The following AKAP12 variants were observed in gnomAD, a reference collection of about 807,000 sequenced individuals.
AKAP12 encodes A-kinase anchor protein 12.
AKAP12 carries 32 observed loss-of-function variants against 79.9 expected under a neutral mutation model. That is an observed-to-expected ratio of 0.40 (90% confidence interval 0.30 to 0.54). The LOEUF (loss-of-function observed/expected upper bound fraction) is 0.54. AKAP12 is among the 20% of genes least tolerant of loss of function. The pLI, the probability that AKAP12 is intolerant of heterozygous loss-of-function variation, is 0.48. For synonymous variants in AKAP12, 808 were observed against 857.0 expected (o/e 0.94, Z 1.00); for missense variants, 2,074 against 2,177.0 (o/e 0.95, Z 0.94).
At chr6:151,275,540 C>T (rs868776153) in intron 2 of AKAP12, among the ~76,000 whole-genome samples, 2 of 152,266 alleles carry the variant, frequency 1.3e-5, no homozygotes, top group South Asian at 4.2e-4. Flanking sequence ...CGATAGCAGA[C>T]GTCACCTTTC....
intron 2 of AKAP12, among the ~76,000 whole-genome samples, chr6:151,259,877 G>A (rs1027269813): frequency 6.7e-6 from 1 of 149,624 alleles, no homozygotes; most frequent in African/African-American, 2.5e-5. Flanking sequence ...GCACCCAGCC[G>A]ACCCTTTTCT....
intron 2 of AKAP12, among the ~76,000 whole-genome samples, chr6:151,267,626 G>C (rs1776076562): frequency 6.6e-6 from 1 of 152,124 alleles, no homozygotes; most frequent in Admixed American, 6.5e-5. Context: ...TTTTTGCAAA[G>C]ACAGTCATAG....
chr6:151,272,350 A>G (rs1211419505), intron 2 of AKAP12, among the ~76,000 whole-genome samples: 1 of 151,120 alleles, frequency 6.6e-6, no homozygotes, highest in Non-Finnish European at 1.5e-5. Flanking sequence ...GTTTCAAAAA[A>G]AAAAAAAAAC....
chr6:151,302,505 T>C (rs1245349822), intron 2 of AKAP12, among the ~76,000 whole-genome samples: 1 of 152,186 alleles, frequency 6.6e-6, no homozygotes, highest in Non-Finnish European at 1.5e-5. Flanking sequence ...CTGTGTGCTA[T>C]AGTCTTCATG....
Position 151,282,051 on chromosome 6 carries a change from C to A in AKAP12, c.163-23696C>A, listed in dbSNP as rs189920705. Reference sequence around the variant, plus strand: ...GATGCAGGAGCGGGCTGTCCTCTTCCCCCTCCTGTTCCCGCTCTCAGCTGC... The same window carrying A: ...GATGCAGGAGCGGGCTGTCCTCTTCACCCTCCTGTTCCCGCTCTCAGCTGC... On this transcript the variant is annotated intron_variant, in intron 2 of 4. Transcript: ENST00000402676. Among the ~76,000 whole-genome samples the A allele has an allele frequency of 3.1e-3, 472 of 151,522 alleles. 1 individual carries two copies. The highest frequency in any genetic ancestry group is 5.6e-3 in the South Asian group (27 of 4,790).
intron 3 of AKAP12, among the ~76,000 whole-genome samples, chr6:151,337,845 C>T (rs1015655281): frequency 2.6e-5 from 4 of 151,994 alleles, no homozygotes; most frequent in Non-Finnish European, 5.9e-5. Flanking sequence ...GAGTTCAAGG[C>T]CAGCCATGGC....
At chr6:151,346,862 A>G (rs1399355532) in intron 3 of AKAP12, among the ~76,000 whole-genome samples, 2 of 152,230 alleles carry the variant, frequency 1.3e-5, no homozygotes. Flanking sequence ...TTGAGGATCA[A>G]AGTGGAAGTT....
chr6:151,257,389 C>T (rs1797323250), intron 2 of AKAP12, among the ~76,000 whole-genome samples: 2 of 152,142 alleles, frequency 1.3e-5, no homozygotes, highest in South Asian at 4.1e-4. Context: ...CTCTGCCTCC[C>T]AGGTTCAAGC....
intron 2 of AKAP12, among the ~76,000 whole-genome samples, chr6:151,248,035 CG>C (rs960083200): frequency 9.3e-5 from 14 of 151,012 alleles, no homozygotes; most frequent in Non-Finnish European, 2.9e-5. Context: ...GATTTCAAAA[CG>C]AAATAAACCA....
chr6:151,299,876 G>A (rs2114748159), intron 2 of AKAP12, among the ~76,000 whole-genome samples: 1 of 151,726 alleles, frequency 6.6e-6, no homozygotes, highest in South Asian at 2.1e-4. Context: ...CCATCCTCCT[G>A]CCTCAGCCTC....
intron 2 of AKAP12, among the ~76,000 whole-genome samples, chr6:151,277,239 T>C (rs1776305848): frequency 6.6e-6 from 1 of 152,222 alleles, no homozygotes; most frequent in Non-Finnish European, 1.5e-5. Flanking sequence ...GGTTGCAAGA[T>C]ACTTTTGTCA....
intron 2 of AKAP12, among the ~76,000 whole-genome samples, chr6:151,266,939 C>A (rs1247444204): frequency 6.9e-6 from 1 of 144,320 alleles, no homozygotes; most frequent in Admixed American, 7.9e-5. Flanking sequence ...ATGGCGTGAA[C>A]CCGGGAGGTG....
intron 3 of AKAP12, among the ~76,000 whole-genome samples, chr6:151,338,958 T>C (rs917547090): frequency 1.3e-5 from 2 of 152,240 alleles, no homozygotes; most frequent in African/African-American, 4.8e-5. Flanking sequence ...TTAGCACCCA[T>C]TGATTCTTGC....
intron 3 of AKAP12, among the ~76,000 whole-genome samples, chr6:151,321,162 T>C (rs777160069): frequency 9.2e-5 from 14 of 152,124 alleles, no homozygotes; most frequent in Non-Finnish European, 1.2e-4. Flanking sequence ...AAATTTTGTA[T>C]TTTTAATAGA....
intron 3 of AKAP12, among the ~76,000 whole-genome samples, chr6:151,316,052 A>G (rs1293692922): frequency 1.3e-5 from 2 of 152,086 alleles, no homozygotes; most frequent in Non-Finnish European, 2.9e-5. Flanking sequence ...TTGGGTGGGG[A>G]CACAGACAAA....
chr6:151,252,259 C>T (rs1306212232), intron 2 of AKAP12, among the ~76,000 whole-genome samples: 3 of 151,304 alleles, frequency 2.0e-5, no homozygotes, highest in Non-Finnish European at 2.9e-5. Context: ...AGTGCAGCAG[C>T]GCGATCTCAG....
Position 151,351,333 on chromosome 6 carries a change from C to T in AKAP12, c.2942C>T (p.Thr981Ile). Residue 981 changes from threonine (T) to isoleucine (I), a missense_variant, in exon 4 of 5, where the codon ACT (threonine) becomes ATT (isoleucine). Physicochemically the swap from Thr to Ile is moderately conservative, Grantham distance 89 (BLOSUM62 -1). This residue lies in a region of AKAP12 where 1,428 missense variants were observed against 1,451.0 expected (regional missense o/e 0.98). Transcript: ENST00000402676. The surrounding 1 kb of genome is among the most constrained non-coding windows in gnomAD (Gnocchi z 4.4). The part of the protein sequence containing the change: ...LTPEAVTAAE[T>I]AGPLGAEEGT... ...CCCGAAGCTGTGACAGCTGCAGAAACTGCAGGGCCATTGGGTGCCGAAGAA... is the reference window on the plus strand; with the variant it reads ...CCCGAAGCTGTGACAGCTGCAGAAATTGCAGGGCCATTGGGTGCCGAAGAA... The T allele has an allele frequency of 1.2e-6, 2 of 1,614,208 alleles. No homozygotes were observed. Among genetic ancestry groups the T allele is most frequent in the Non-Finnish European group, 1.7e-6 (2 of 1,180,042 alleles).
In AKAP12 at chr6:151,335,000, A is replaced by G. The variant is rs150470403; in HGVS notation, c.320-13711A>G. On this transcript the variant is annotated intron_variant, in intron 3 of 4. Coordinates refer to ENST00000402676, the MANE Select transcript of AKAP12 (RefSeq NM_005100.4). ...AGCTTTCTGGTTCAGCAGAGCTGAAAGCTGTTCAATACTGCCCTCTTCTGT... is the reference window on the plus strand; with the variant it reads ...AGCTTTCTGGTTCAGCAGAGCTGAAGGCTGTTCAATACTGCCCTCTTCTGT... Among the ~76,000 whole-genome samples, 1,110 of 152,258 alleles carry G rather than the reference A, an allele frequency of 7.3e-3. 5 individuals are homozygous for G. Among genetic ancestry groups the G allele is most frequent in the Admixed American group, 0.015 (225 of 15,296 alleles).
chr6:151,277,981 T>C (rs1776319012), intron 2 of AKAP12, among the ~76,000 whole-genome samples: 2 of 58,598 alleles, frequency 3.4e-5, no homozygotes, highest in South Asian at 1.1e-3. Context: ...TGTCTGTCTG[T>C]TTATTTTTTT....
Sources: allele counts gnomAD v4.1 joint callset (sites outside exome capture counted in the v4.1 genomes callset), GRCh38; gene constraint gnomAD v4.1.1; regional missense constraint gnomAD v4.1.1; non-coding constraint Gnocchi (gnomAD v3.1); transcripts MANE v1.5; gene names NCBI Gene and HGNC (gene_info 2026-07-23, HGNC 2026-07-21).